WWOX: variants seen among roughly 807,000 people sequenced by gnomAD.
WWOX encodes the protein WW domain-containing oxidoreductase.
Under a neutral mutation model 46.2 loss-of-function variants are expected in WWOX, and 69 were observed. That is an observed-to-expected ratio of 1.49 (90% CI 1.23 to 1.82). The LOEUF is 1.82. Among genes scored for constraint, WWOX ranks in the 40% most tolerant of loss-of-function variants. The pLI is 0.00. For synonymous variants in WWOX, 359 were observed against 202.6 expected (o/e 1.77, Z -6.56); for missense variants, 919 against 542.6 (o/e 1.69, Z -6.89).
chr16:78,116,745 A>G (rs2032813177), intron 4 of WWOX, among the ~76,000 whole-genome samples: 1 of 152,234 alleles, frequency 6.6e-6, no homozygotes, highest in South Asian at 2.1e-4. Context: ...AGAAAAAAGG[A>G]CTTAAGGGCT....
At chr16:78,410,665 G>A (rs1440273694) in intron 6 of WWOX, among the ~76,000 whole-genome samples, 1 of 151,862 alleles carries the variant, frequency 6.6e-6, no homozygotes, top group Non-Finnish European at 1.5e-5. Flanking sequence ...AATTAGTTGG[G>A]CATGGTGGCA....
intron 8 of WWOX, among the ~76,000 whole-genome samples, chr16:78,780,031 G>T (rs965222246): frequency 1.3e-5 from 2 of 152,174 alleles, no homozygotes; most frequent in African/African-American, 4.8e-5. Flanking sequence ...GCAGTACCCA[G>T]TAGAAGCCAT....
intron 8 of WWOX, among the ~76,000 whole-genome samples, chr16:78,687,268 T>A (rs1403911298): frequency 6.6e-6 from 1 of 152,216 alleles, no homozygotes; most frequent in Admixed American, 6.5e-5. Flanking sequence ...AATATGTTCT[T>A]AACATCTCCA....
chr16:78,976,209 G>A (rs2046569650), intron 8 of WWOX, among the ~76,000 whole-genome samples: 1 of 152,174 alleles, frequency 6.6e-6, no homozygotes, highest in African/African-American at 2.4e-5. Flanking sequence ...ATGAATGAAT[G>A]AATGAAAGTT....
At chr16:78,373,258 A>G (rs550715123) in intron 5 of WWOX, among the ~76,000 whole-genome samples, 9 of 152,336 alleles carry the variant, frequency 5.9e-5, no homozygotes, top group African/African-American at 2.2e-4. Flanking sequence ...AAAGTCTTTC[A>G]GTGTAAAGAC....
chr16:78,568,825 A>G (rs1286237294), intron 8 of WWOX, among the ~76,000 whole-genome samples: 1 of 152,170 alleles, frequency 6.6e-6, no homozygotes, highest in Admixed American at 6.5e-5. Context: ...CACAATATTA[A>G]TACTAGTGTG....
intron 8 of WWOX, among the ~76,000 whole-genome samples, chr16:79,036,424 C>T (rs2047867754): frequency 2.6e-5 from 4 of 152,220 alleles, no homozygotes; most frequent in Admixed American, 6.5e-5. Flanking sequence ...CCGTTGACCT[C>T]CATATAAGTA....
At chr16:79,149,279 A>G (rs2050234667) in intron 8 of WWOX, among the ~76,000 whole-genome samples, 1 of 152,206 alleles carries the variant, frequency 6.6e-6, no homozygotes, top group African/African-American at 2.4e-5. Context: ...TGCTTTTTGT[A>G]TGCCAATCTA....
At chr16:78,398,454 A>G (rs548721111) in intron 6 of WWOX, among the ~76,000 whole-genome samples, 1 of 152,312 alleles carries the variant, frequency 6.6e-6, no homozygotes, top group African/African-American at 2.4e-5. Flanking sequence ...AAGAGGAGAA[A>G]AACCAAGCTG....
At chr16:79,052,153 A>G (rs2048179995) in intron 8 of WWOX, among the ~76,000 whole-genome samples, 1 of 151,896 alleles carries the variant, frequency 6.6e-6, no homozygotes, top group African/African-American at 2.4e-5. Context: ...CTCGTCATCT[A>G]GCATTAGGTA....
intron 8 of WWOX, among the ~76,000 whole-genome samples, chr16:78,866,102 T>C (rs766722200): frequency 6.6e-6 from 1 of 152,166 alleles, no homozygotes; most frequent in Non-Finnish European, 1.5e-5. Flanking sequence ...TTTAGAGCAA[T>C]GAAAAAATTG....
Position 78,712,927 on chromosome 16 carries a change from A to G in WWOX, c.1056+280175A>G, listed in dbSNP as rs62036137. On this transcript the variant is annotated intron_variant, in intron 8 of 8. Transcript: ENST00000566780. ...TGTTGAAAATTTTTCATAAGAAAATATTATTCAGAGGTCTCAAGAGGCAGG... is the reference window on the plus strand; with the variant it reads ...TGTTGAAAATTTTTCATAAGAAAATGTTATTCAGAGGTCTCAAGAGGCAGG... Among the ~76,000 whole-genome samples the G allele has an allele frequency of 7.4e-3, 1,129 of 152,230 alleles. 7 individuals carry two copies. The highest frequency in any genetic ancestry group is 0.012 in the Non-Finnish European group (825 of 68,010).
chr16:78,195,982 T>C (rs572275953), intron 5 of WWOX, among the ~76,000 whole-genome samples: 1 of 152,182 alleles, frequency 6.6e-6, no homozygotes, highest in Non-Finnish European at 1.5e-5. Context: ...AAAGATAAGA[T>C]GAAAGTATTG....
intron 8 of WWOX, among the ~76,000 whole-genome samples, chr16:78,642,600 C>G (rs1437028879): frequency 2.6e-5 from 4 of 152,080 alleles, no homozygotes; most frequent in Non-Finnish European, 5.9e-5. Context: ...AGTTGAGTCT[C>G]CATGTTTTTG....
At chr16:78,133,115 A>G (rs564219063) in intron 4 of WWOX, among the ~76,000 whole-genome samples, 81 of 152,212 alleles carry the variant, frequency 5.3e-4, no homozygotes, top group Non-Finnish European at 8.7e-4. Flanking sequence ...AGTGACTTCT[A>G]CATGCCGTGT....
chr16:78,321,326 ACG>A lies in WWOX; in HGVS notation c.517-65533_517-65532del, dbSNP rs1567499100. On this transcript the variant is annotated intron_variant, in intron 5 of 8. Coordinates refer to ENST00000566780, the MANE Select transcript of WWOX (RefSeq NM_016373.4). ...TACGTATATATATGCGTATATATAT[ACG>A]TATATATGCGTATATATATACGTAT... 1.1e-4 allele frequency among the ~76,000 whole-genome samples: 9 copies of A among 81,300 alleles called. 1 individual carries two copies. The highest frequency in any genetic ancestry group is 1.3e-3 in the East Asian group (2 of 1,592). The allele number at this position is 81,300 out of a possible 152,430, so 53.3% of individuals were successfully genotyped here.
At chr16:78,911,033 G>T (rs888295357) in intron 8 of WWOX, among the ~76,000 whole-genome samples, 16 of 151,920 alleles carry the variant, frequency 1.1e-4, no homozygotes, top group Non-Finnish European at 2.4e-4. Context: ...ATTAAAAAAT[G>T]GCTTTCCCAC....
In WWOX at chr16:78,548,152, CAAAAAAAAAAAA is replaced by C. The variant is rs11320544; in HGVS notation, c.1056+115415_1056+115426del. 1.4e-3 allele frequency among the ~76,000 whole-genome samples: 47 copies of C among 34,274 alleles called. 1 individual carries two copies. The highest frequency in any genetic ancestry group is 0.024 in the Middle Eastern group (1 of 42). The allele number at this position is 34,274 out of a possible 152,430, so 22.5% of individuals were successfully genotyped here. A position where few individuals can be genotyped will look rare whatever the true frequency, so the allele number is the denominator to read the frequency against. Reference sequence around the variant, plus strand: ...CCTGGGTGACAGAGCAAGACTGTCTCAAAAAAAAAAAAAAAAAAAAAAAAAATTACGAATTTT... The same window carrying C: ...CCTGGGTGACAGAGCAAGACTGTCTCAAAAAAAAAAAAAATTACGAATTTT... On this transcript the variant is annotated intron_variant, in intron 8 of 8. Coordinates refer to ENST00000566780, the MANE Select transcript of WWOX (RefSeq NM_016373.4).
chr16:78,567,377 C>G (rs1268813605), intron 8 of WWOX, among the ~76,000 whole-genome samples: 2 of 149,818 alleles, frequency 1.3e-5, no homozygotes, highest in Admixed American at 6.7e-5. Context: ...AACCCCGTCT[C>G]TACTAAAAAT....
Sources: gnomAD v4.1 joint callset for allele counts (sites outside exome capture counted in the v4.1 genomes callset) on GRCh38, gnomAD v4.1.1 for gene constraint, MANE v1.5 for transcripts, NCBI Gene and HGNC (gene_info 2026-07-23, HGNC 2026-07-21) for gene names.